Variants in COL9A3 observed in about 807,000 individuals in gnomAD.
COL9A3 encodes the protein collagen alpha-3(IX) chain.
In COL9A3, 82 loss-of-function variants were observed where a neutral mutation model predicts 110.2. The ratio of observed to expected loss-of-function variants is 0.74; its 90% CI spans 0.62 to 0.89. The LOEUF (loss-of-function observed/expected upper bound fraction) is 0.89. Among genes scored for constraint, COL9A3 ranks in the 40% least tolerant of loss-of-function variants. COL9A3 has a pLI of 0.00. For synonymous variants in COL9A3, 494 were observed against 403.8 expected (o/e 1.22, Z -2.68); for missense variants, 1,066 against 981.3 (o/e 1.09, Z -1.15).
chr20:62,826,307 G>A, intron 14 of COL9A3, 50 bp downstream of exon 14: 1 of 1,502,674 alleles, frequency 6.7e-7, no homozygotes, highest in Non-Finnish European at 9.0e-7. Context: ...TGGGGGCCTG[G>A]TTGTCTGCAC....
intron 14 of COL9A3, among the ~76,000 whole-genome samples, 191 bp downstream of exon 14, chr20:62,826,448 G>A (rs1198593944): frequency 6.6e-6 from 1 of 152,162 alleles, no homozygotes; most frequent in Non-Finnish European, 1.5e-5. Context: ...AGAGCTGACA[G>A]TCGGCGCTCA....
In COL9A3 at chr20:62,826,429, GC is replaced by G. The variant is rs1422289747; in HGVS notation, c.738+174del. Among the ~76,000 whole-genome samples, 5 of 152,328 alleles carry G rather than the reference GC, an allele frequency of 3.3e-5. No individual in the cohort carries two copies. In the South Asian group the frequency reaches 8.3e-4, roughly 25 times the overall value. On this transcript the variant is annotated intron_variant, in intron 14 of 31. Transcript: ENST00000649368. ...GCTCTGGGCCCCTGTTCTCGCATGT[GC>G]CTGGGCGAGAGCTGACAGTCGGCGC...
At chr20:62,829,429 C>G (rs1426533647) in intron 19 of COL9A3, 26 bp from the exon 20 acceptor site, 1 of 1,612,450 alleles carries the variant, frequency 6.2e-7, no homozygotes, top group East Asian at 2.2e-5. Flanking sequence ...AACTGGCAGC[C>G]CTGACCGCAA....
rs2063547702 is a variant in COL9A3, at chr20:62,825,831, C to T, written c.645C>T (p.Pro215=). Residue 215 remains proline, a synonymous_variant, in exon 13 of 32, where the codon CCC becomes CCT. Coordinates refer to ENST00000649368, the MANE Select transcript of COL9A3 (RefSeq NM_001853.4). ...GKDGEKGDPG[P]PGPAGLPGSV... Reference sequence around the variant, plus strand: ...CTCTGTTTCAGGGTGACCCTGGCCCCCCTGGGCCCGCCGGCCTCCCGGGCA... The same window carrying T: ...CTCTGTTTCAGGGTGACCCTGGCCCTCCTGGGCCCGCCGGCCTCCCGGGCA... 1.3e-6 allele frequency: 2 copies of T among 1,555,358 alleles called. No homozygotes were observed. Among genetic ancestry groups the T allele is most frequent in the Non-Finnish European group, 8.7e-7 (1 of 1,149,320 alleles).
intron 12 of COL9A3, chr20:62,825,469 G>C (rs1336941992): frequency 2.4e-6 from 1 of 408,946 alleles, no homozygotes; most frequent in Non-Finnish European, 4.4e-6. Context: ...TGCAGGCCGG[G>C]GGACCAGGTC....
rs759213760 is a variant in COL9A3, at chr20:62,837,158, GC to G, written c.1685del (p.Pro562LeufsTer111). On this transcript the variant is annotated frameshift_variant, in exon 30 of 32. Transcript: ENST00000649368. LOFTEE classifies it high-confidence loss of function. ...TCCATTGGTCGGCCCGGTCCAGCTG[GC>G]CCCCCTGGGCCCCCAGGACCCCCAG... ...PGSIGRPGPA[G>X]PPGPPGPPGS... 14 of 1,612,844 alleles carry G rather than the reference GC, an allele frequency of 8.7e-6. No individual in the cohort carries two copies. The African/African-American group carries it at 1.1e-4, about 12-fold the overall frequency.
chr20:62,823,561 G>C (rs1234503251), intron 10 of COL9A3, among the ~76,000 whole-genome samples: 1 of 152,230 alleles, frequency 6.6e-6, no homozygotes, highest in Non-Finnish European at 1.5e-5. Flanking sequence ...TGTCCCAGAA[G>C]GGAGGCTTTA....
At position 62,838,733 on chromosome 20, in the gene COL9A3, C is replaced by T. The variant is rs376259511; in HGVS notation, c.1836C>T (p.Asp612=). Residue 612 remains aspartate (D), a synonymous_variant, in exon 31 of 32, where the codon GAC becomes GAT. Transcript: ENST00000649368. ...AAGGCGCGGCAGGAGCAGGGCTGGA[C>T]GGGCCTGAAGGAGACCAGGGGCCCC... ...GDKGAAGAGL[D]GPEGDQGPQG... The T allele has an allele frequency of 1.7e-4, 260 of 1,552,242 alleles. 1 individual carries two copies. Among genetic ancestry groups the T allele is most frequent in the South Asian group, 1.4e-3 (116 of 84,080 alleles).
chr20:62,835,283 G>A (rs1294347511), intron 26 of COL9A3, among the ~76,000 whole-genome samples: 3 of 152,216 alleles, frequency 2.0e-5, no homozygotes, highest in African/African-American at 7.2e-5. Flanking sequence ...GCCCAAGACC[G>A]AGGGGTGCAT....
chr20:62,835,796 G>C, intron 26 of COL9A3, 125 bp from the exon 27 acceptor site: 1 of 953,300 alleles, frequency 1.0e-6, no homozygotes, highest in Non-Finnish European at 1.7e-6. Flanking sequence ...AGGAACCACT[G>C]TCAATATTTG....
In COL9A3 at chr20:62,837,070, T is replaced by C. The variant is rs773103504; in HGVS notation, c.1604-13T>C. ...TCTCTCGAGTAAACGCCTGCACCCT[T>C]GTTTTCCCAAAGAACAAATTGCACA... On this transcript the variant is annotated splice_polypyrimidine_tract_variant and intron_variant, in intron 29 of 31. Coordinates refer to ENST00000649368, the MANE Select transcript of COL9A3 (RefSeq NM_001853.4). 28 of 1,612,414 alleles carry C rather than the reference T, an allele frequency of 1.7e-5. No homozygotes were observed. Among genetic ancestry groups the C allele is most frequent in the Non-Finnish European group, 1.2e-5 (14 of 1,180,018 alleles).
intron 2 of COL9A3, chr20:62,817,859 C>T: frequency 3.0e-6 from 2 of 666,360 alleles, no homozygotes; most frequent in Admixed American, 2.1e-5. Context: ...ACCCAGAATG[C>T]CGGCACTGAG....
chr20:62,820,880 C>T (rs945290996), intron 5 of COL9A3, among the ~76,000 whole-genome samples: 4 of 152,226 alleles, frequency 2.6e-5, no homozygotes, highest in Non-Finnish European at 5.9e-5. Context: ...GGTGGGTTAT[C>T]GGGAGGGCTT....
intron 15 of COL9A3, 23 bp from the exon 16 acceptor site, chr20:62,827,218 C>T (rs1329464042): frequency 1.1e-5 from 18 of 1,612,946 alleles, no homozygotes; most frequent in African/African-American, 2.7e-5. Context: ...AACTCTGTCC[C>T]TGCCCCACCT....
In COL9A3 at chr20:62,826,202, AG is replaced by A. The variant is rs1332331905; in HGVS notation, c.686del. ...CTCTGCATCTGTGCCTCTCTCTCGC[AG>A]GGCCCCCGGGGATTACGAGGACTGC... On this transcript the variant is annotated splice_acceptor_variant, in intron 13 of 31. Coordinates refer to ENST00000649368, the MANE Select transcript of COL9A3 (RefSeq NM_001853.4). LOFTEE classifies it high-confidence loss of function. 3 of 1,560,110 alleles carry A rather than the reference AG, an allele frequency of 1.9e-6. No individual in the cohort carries two copies. Among genetic ancestry groups the A allele is most frequent in the Non-Finnish European group, 2.6e-6 (3 of 1,152,694 alleles).
At chr20:62,824,889 T>C in intron 11 of COL9A3, 79 bp from the exon 12 acceptor site, 1 of 1,433,232 alleles carries the variant, frequency 7.0e-7, no homozygotes, top group Middle Eastern at 2.0e-4. Context: ...TGACTGACCC[T>C]GCAGGCCTCA....
chr20:62,820,288 C>T (rs1436676859), intron 5 of COL9A3, among the ~76,000 whole-genome samples: 2 of 152,150 alleles, frequency 1.3e-5, no homozygotes, highest in African/African-American at 2.4e-5. Flanking sequence ...GCCCCCAGGG[C>T]CCTGGGCAGA....
rs1224865884 is a variant in COL9A3, at chr20:62,830,577, G to C, written c.1276G>C (p.Val426Leu). Residue 426 changes from valine (V) to leucine (L), a missense_variant, in exon 24 of 32, where the codon GTG becomes CTG. Transcript: ENST00000649368. ...LPGPQGLRGD[V>L]GDRGPGGAAG... is the part of the protein sequence containing the mutation. ...AGGCCCCCAGGGCCTCCGAGGTGAC[G>C]TGGGCGACCGGGTAAGTGGCCCTCT... is the stretch of plus-strand genomic sequence containing the variant. 4 of 1,599,434 alleles carry C rather than the reference G, an allele frequency of 2.5e-6. No individual in the cohort carries two copies. The African/African-American group carries it at 4.1e-5, about 16-fold the overall frequency.
At chr20:62,819,559 C>T (rs935511414) in intron 4 of COL9A3, among the ~76,000 whole-genome samples, 13 of 152,170 alleles carry the variant, frequency 8.5e-5, no homozygotes, top group Non-Finnish European at 1.6e-4. Flanking sequence ...ATTGTCAGGA[C>T]CTTCTGCCCA....
Sources: gnomAD v4.1 joint callset for allele counts (sites outside exome capture counted in the v4.1 genomes callset) on GRCh38, gnomAD v4.1.1 for gene constraint, MANE v1.5 for transcripts, NCBI Gene and HGNC (gene_info 2026-07-23, HGNC 2026-07-21) for gene names.